ENPP6: variants seen among roughly 807,000 people sequenced by gnomAD.
ENPP6 encodes ectonucleotide pyrophosphatase/phosphodiesterase 6.
ENPP6 carries 32 observed loss-of-function variants against 42.0 expected under a neutral mutation model. That is an observed-to-expected ratio of 0.76 (90% CI 0.58 to 1.02). ENPP6 has a LOEUF of 1.02. Ranked by LOEUF, ENPP6 falls within the 50% of genes least tolerant of loss-of-function variation. ENPP6 has a pLI of 0.00. For synonymous variants in ENPP6, 213 were observed against 216.0 expected, an observed-to-expected ratio of 0.99 and a Z score of 0.12; for missense variants, 552 against 566.8, an observed-to-expected ratio of 0.97 and a Z score of 0.27.
rs184711011 is a variant in ENPP6 at position 184,116,603 on chromosome 4, C to T, written c.855+253G>A. The stretch of plus-strand genomic sequence containing the variant: ...ACAAAATTAGCCGGGCATGGTGGCG[C>T]ATGCCTATAGACCCAGCTGCTCAGG... On this transcript the variant is annotated intron_variant, in intron 5 of 7. Transcript: ENST00000296741. Among the ~76,000 whole-genome samples, 14 of 152,026 alleles carry T rather than the reference C, an allele frequency of 9.2e-5. No individual in the cohort carries two copies. In the East Asian group the frequency reaches 1.8e-3, roughly 19 times the overall value.
At chr4:184,193,563 T>A (rs1348721352) in intron 1 of ENPP6, among the ~76,000 whole-genome samples, 1 of 152,208 alleles carries the variant, frequency 6.6e-6, no homozygotes, top group Non-Finnish European at 1.5e-5. Flanking sequence ...TGGTTGCACA[T>A]CTCTGTAAAT....
At chr4:184,182,615 C>T (rs754020942) in intron 1 of ENPP6, among the ~76,000 whole-genome samples, 14 of 152,122 alleles carry the variant, frequency 9.2e-5, no homozygotes, top group Non-Finnish European at 1.5e-5. Flanking sequence ...CCCAAATGAC[C>T]ATGAATGATA....
At chr4:184,206,877 C>T (rs560237249) in intron 1 of ENPP6, among the ~76,000 whole-genome samples, 1 of 152,316 alleles carries the variant, frequency 6.6e-6, no homozygotes, top group South Asian at 2.1e-4. Flanking sequence ...CGCTGCTTCC[C>T]GGACTGTCTT....
chr4:184,134,028 A>C (rs1736687499), intron 2 of ENPP6, among the ~76,000 whole-genome samples: 1 of 151,488 alleles, frequency 6.6e-6, no homozygotes, highest in Non-Finnish European at 1.5e-5. Context: ...TTTGTTTCTA[A>C]TTTTTCTATC....
chr4:184,092,536 G>A (rs999620637), intron 7 of ENPP6, among the ~76,000 whole-genome samples: 1 of 152,216 alleles, frequency 6.6e-6, no homozygotes, highest in Non-Finnish European at 1.5e-5. Flanking sequence ...AGTCTTTGGA[G>A]GGATTTCAAT....
In ENPP6 at chr4:184,095,191, G is replaced by T. The variant is rs563951819; in HGVS notation, c.1117+2054C>A. On this transcript the variant is annotated intron_variant, in intron 7 of 7. Coordinates refer to ENST00000296741, the MANE Select transcript of ENPP6 (RefSeq NM_153343.4). ...TTAGCGCAGTCCATTTTCATCAGGGGTCATCTATCTGTCTGTAAAAGACTG... is the reference window on the plus strand; with the variant it reads ...TTAGCGCAGTCCATTTTCATCAGGGTTCATCTATCTGTCTGTAAAAGACTG... 5.9e-5 allele frequency among the ~76,000 whole-genome samples: 9 copies of T among 152,308 alleles called. No individual in the cohort carries two copies. In the South Asian group the frequency reaches 8.3e-4, roughly 14 times the overall value.
At chr4:184,147,620 C>T (rs1227263235) in intron 2 of ENPP6, among the ~76,000 whole-genome samples, 2 of 151,888 alleles carry the variant, frequency 1.3e-5, no homozygotes, top group African/African-American at 2.4e-5. Context: ...CCACCCCCGA[C>T]CCCATGCCCA....
intron 2 of ENPP6, among the ~76,000 whole-genome samples, chr4:184,137,614 G>A (rs748832456): frequency 1.3e-5 from 2 of 152,186 alleles, no homozygotes; most frequent in Non-Finnish European, 2.9e-5. Context: ...AATCCAGAGT[G>A]GATTGTCAAG....
intron 1 of ENPP6, among the ~76,000 whole-genome samples, chr4:184,177,079 G>C (rs1303639244): frequency 6.6e-6 from 1 of 152,316 alleles, no homozygotes; most frequent in East Asian, 1.9e-4. Context: ...CAGATTCTCA[G>C]TGGCCACTCG....
chr4:184,158,633 T>G (rs538488336), intron 1 of ENPP6, among the ~76,000 whole-genome samples: 1 of 152,344 alleles, frequency 6.6e-6, no homozygotes, highest in Admixed American at 6.5e-5. Context: ...CTTCTTCTTC[T>G]AGAGATATAA....
At chr4:184,094,444 C>T (rs976612393) in intron 7 of ENPP6, among the ~76,000 whole-genome samples, 1 of 152,216 alleles carries the variant, frequency 6.6e-6, no homozygotes, top group Non-Finnish European at 1.5e-5. Context: ...TTTCCCATCC[C>T]ACCTAGTTCG....
chr4:184,137,475 T>C (rs1398886143), intron 2 of ENPP6, among the ~76,000 whole-genome samples: 1 of 152,216 alleles, frequency 6.6e-6, no homozygotes, highest in Non-Finnish European at 1.5e-5. Flanking sequence ...ATAATCTGTT[T>C]TTTTAAATTG....
chr4:184,166,096 ATTT>A (rs909203106), intron 1 of ENPP6, among the ~76,000 whole-genome samples: 1 of 152,162 alleles, frequency 6.6e-6, no homozygotes, highest in Non-Finnish European at 1.5e-5. Flanking sequence ...AATCCATTTT[ATTT>A]TTTTAATGTG....
At chr4:184,093,292 G>C (rs1169903422) in intron 7 of ENPP6, among the ~76,000 whole-genome samples, 1 of 152,002 alleles carries the variant, frequency 6.6e-6, no homozygotes, top group Admixed American at 6.6e-5. Flanking sequence ...TTTTCTTCAG[G>C]GGCATGGAGG....
At chr4:184,127,136 C>T (rs765250936) in intron 2 of ENPP6, among the ~76,000 whole-genome samples, 32 of 151,770 alleles carry the variant, frequency 2.1e-4, no homozygotes, top group Admixed American at 1.4e-3. Context: ...TTACAACATA[C>T]GTAAAAGTAA....
At chr4:184,209,976 C>G (rs1380259433) in intron 1 of ENPP6, among the ~76,000 whole-genome samples, 1 of 143,344 alleles carries the variant, frequency 7.0e-6, no homozygotes, top group African/African-American at 2.7e-5. Flanking sequence ...ATTTCATATC[C>G]AGCCAAACTA....
At chr4:184,119,351 G>A (rs1316501160) in intron 3 of ENPP6, among the ~76,000 whole-genome samples, 1 of 98,628 alleles carries the variant, frequency 1.0e-5, no homozygotes, top group East Asian at 3.6e-4. Flanking sequence ...GTGTGTGTGT[G>A]TGTGTGTGTG....
intron 1 of ENPP6, among the ~76,000 whole-genome samples, chr4:184,177,312 C>T (rs1455940143): frequency 3.3e-5 from 5 of 152,326 alleles, no homozygotes; most frequent in East Asian, 1.9e-4. Flanking sequence ...GGGGCCTCCC[C>T]GCAGGAATTT....
intron 6 of ENPP6, among the ~76,000 whole-genome samples, chr4:184,106,328 T>A (rs1415249738): frequency 6.6e-6 from 1 of 152,130 alleles, no homozygotes; most frequent in Non-Finnish European, 1.5e-5. Context: ...AGCCACCATG[T>A]CCGGCCACAA....
Sources: gnomAD v4.1 joint callset for allele counts (sites outside exome capture counted in the v4.1 genomes callset) on GRCh38, gnomAD v4.1.1 for gene constraint, MANE v1.5 for transcripts, NCBI Gene and HGNC (gene_info 2026-07-23, HGNC 2026-07-21) for gene names.